Variants in FAM3B observed in about 807,000 individuals in gnomAD.
The protein encoded by FAM3B is protein FAM3B.
FAM3B carries 29 observed loss-of-function variants against 28.4 expected under a neutral mutation model. That is an observed-to-expected ratio of 1.02 (90% CI 0.76 to 1.39). The LOEUF (loss-of-function observed/expected upper bound fraction) is 1.39, where lower values mean the gene tolerates loss of function less well. FAM3B is among the 40% of genes most tolerant of loss of function. FAM3B has a pLI of 0.00. For missense variants in FAM3B, 266 were observed against 293.9 expected (o/e 0.91, Z 0.69); for synonymous variants, 91 against 103.0 (o/e 0.88, Z 0.71).
rs1026945871 is a variant in FAM3B, at chr21:41,308,735, C to T, written n.99+4425C>T. Among the ~76,000 whole-genome samples, 8 of 151,952 alleles carry T rather than the reference C, an allele frequency of 5.3e-5. No individual in the cohort carries two copies. In the South Asian group the frequency reaches 6.2e-4, roughly 12 times the overall value. On this transcript the variant is annotated intron_variant and non_coding_transcript_variant, in intron 1 of 9. Transcript: ENST00000479810. ...TGTATTTTTAGTAGAGACAGGGTTT[C>T]GCCATGCTGGTCAGGCTAGTCTCGA...
intron 1 of FAM3B, among the ~76,000 whole-genome samples, chr21:41,311,376 C>T (rs1385402032): frequency 2.1e-5 from 3 of 140,334 alleles, no homozygotes; most frequent in Non-Finnish European, 3.0e-5. Context: ...GTGGGAGGAT[C>T]GCATTGAACC....
chr21:41,353,028 C>T (rs147171837), intron 7 of FAM3B, among the ~76,000 whole-genome samples: 1 of 152,184 alleles, frequency 6.6e-6, no homozygotes, highest in East Asian at 1.9e-4. Context: ...TTGCAATGAA[C>T]AACCTGAAGA....
intron 2 of FAM3B, among the ~76,000 whole-genome samples, chr21:41,331,455 G>A (rs2088904973): frequency 1.3e-5 from 2 of 152,028 alleles, no homozygotes; most frequent in Admixed American, 1.3e-4. Flanking sequence ...AATTCCCTTT[G>A]CCTGTTTTTG....
chr21:41,347,739 G>A (rs915364374), intron 6 of FAM3B, among the ~76,000 whole-genome samples: 11 of 135,114 alleles, frequency 8.1e-5, no homozygotes, highest in African/African-American at 2.5e-4. Flanking sequence ...GTGACAGAGC[G>A]AGACTGTCTC....
chr21:41,356,036 TACATACACACACACACAC>T (rs1280081153), intron 7 of FAM3B, among the ~76,000 whole-genome samples: 1 of 104,756 alleles, frequency 9.5e-6, no homozygotes, highest in African/African-American at 4.2e-5. Context: ...GGGAAAAAAA[TACATACACACACACACAC>T]ACACACACAC....
intron 5 of FAM3B, 102 bp downstream of exon 5, chr21:41,345,838 G>C: frequency 1.2e-5 from 9 of 748,042 alleles, no homozygotes. Context: ...TTGTCTACTA[G>C]AAAAACGCCA....
intron 1 of FAM3B, among the ~76,000 whole-genome samples, chr21:41,311,248 AAAAAT>A (rs1278900656): frequency 9.3e-5 from 6 of 64,254 alleles, no homozygotes; most frequent in Admixed American, 2.2e-4. Flanking sequence ...AAAAAAAAAA[AAAAAT>A]ATATATATAT....
chr21:41,325,399 T>C (rs551674978), intron 2 of FAM3B, among the ~76,000 whole-genome samples: 1 of 152,346 alleles, frequency 6.6e-6, no homozygotes, highest in East Asian at 1.9e-4. Context: ...GCCTGGTCTA[T>C]ATTGTCAGGA....
intron 2 of FAM3B, among the ~76,000 whole-genome samples, chr21:41,327,740 C>G (rs1397319005): frequency 6.6e-6 from 1 of 152,226 alleles, no homozygotes; most frequent in African/African-American, 2.4e-5. Flanking sequence ...GCTGGCTTTA[C>G]CACAAAGTAA....
At chr21:41,321,404 C>G (rs1267609739) in intron 1 of FAM3B, among the ~76,000 whole-genome samples, 1 of 152,186 alleles carries the variant, frequency 6.6e-6, no homozygotes, top group African/African-American at 2.4e-5. Context: ...CCGCAGGTGG[C>G]TGAGCACAAC....
chr21:41,312,042 C>T (rs145686026), upstream of FAM3B, among the ~76,000 whole-genome samples: 204 of 152,238 alleles, frequency 1.3e-3, no homozygotes, highest in Non-Finnish European at 2.2e-3. Flanking sequence ...TCATGAGAAC[C>T]GCACAGGAAA....
intron 2 of FAM3B, among the ~76,000 whole-genome samples, chr21:41,328,926 A>G (rs2145806732): frequency 6.6e-6 from 1 of 152,332 alleles, no homozygotes; most frequent in African/African-American, 2.4e-5. Flanking sequence ...GCTTGCTCTG[A>G]TGTCGCAGCA....
chr21:41,323,196 C>A, intron 2 of FAM3B, 130 bp downstream of exon 2: 1 of 1,277,450 alleles, frequency 7.8e-7, no homozygotes, highest in Non-Finnish European at 1.1e-6. Context: ...AGGAGAGAAG[C>A]ATTTTGCAGT....
At chr21:41,335,542 C>T (rs1279490842) in intron 2 of FAM3B, among the ~76,000 whole-genome samples, 1 of 152,186 alleles carries the variant, frequency 6.6e-6, no homozygotes, top group Non-Finnish European at 1.5e-5. Flanking sequence ...CATGCTCCCG[C>T]TTTGCCTTCC....
chr21:41,333,798 G>A (rs1342876689), intron 2 of FAM3B, among the ~76,000 whole-genome samples: 3 of 152,216 alleles, frequency 2.0e-5, no homozygotes, highest in African/African-American at 7.2e-5. Context: ...AAGACAAGAA[G>A]ATGAGGGAAA....
chr21:41,338,739 G>A (rs575569794), intron 3 of FAM3B, among the ~76,000 whole-genome samples: 2 of 152,294 alleles, frequency 1.3e-5, no homozygotes, highest in South Asian at 2.1e-4. Flanking sequence ...GGTTTCGTTT[G>A]ACTGCAGTTG....
At chr21:41,330,777 T>G (rs2088899398) in intron 2 of FAM3B, among the ~76,000 whole-genome samples, 1 of 152,248 alleles carries the variant, frequency 6.6e-6, no homozygotes, top group Non-Finnish European at 1.5e-5. Flanking sequence ...GATTTCCTTC[T>G]CTTTTAGGCT....
At chr21:41,344,419 G>A (rs541979482) in intron 3 of FAM3B, 57 bp from the exon 4 acceptor site, 51 of 1,522,300 alleles carry the variant, frequency 3.4e-5, no homozygotes, top group Admixed American at 1.3e-4. Context: ...AAGACTTCGC[G>A]GAGCGGGGAG....
chr21:41,313,158 C>A (rs1483835782), upstream of FAM3B, among the ~76,000 whole-genome samples: 1 of 152,184 alleles, frequency 6.6e-6, no homozygotes, highest in Non-Finnish European at 1.5e-5. Context: ...AAGGTCCAAT[C>A]CCCTGATTGG....
Sources: gnomAD v4.1 joint callset for allele counts (sites outside exome capture counted in the v4.1 genomes callset) on GRCh38, gnomAD v4.1.1 for gene constraint, MANE v1.5 for transcripts, NCBI Gene and HGNC (gene_info 2026-07-23, HGNC 2026-07-21) for gene names.